PLA2R1: variants seen among roughly 807,000 people sequenced by gnomAD.
PLA2R1 encodes secretory phospholipase A2 receptor.
Under a neutral mutation model 195.9 loss-of-function variants are expected in PLA2R1, and 158 were observed. That is an observed-to-expected ratio of 0.81 (90% CI 0.71 to 0.92). The LOEUF is 0.92. PLA2R1 is among the 40% of genes least tolerant of loss of function. The pLI is 0.00. For missense variants in PLA2R1, 1,626 were observed against 1,764.6 expected, an observed-to-expected ratio of 0.92 and a Z score of 1.41; for synonymous variants, 586 against 598.2, an observed-to-expected ratio of 0.98 and a Z score of 0.30.
chr2:159,999,274 T>G (rs1250457040), intron 11 of PLA2R1, among the ~76,000 whole-genome samples: 1 of 152,082 alleles, frequency 6.6e-6, no homozygotes, highest in Non-Finnish European at 1.5e-5. Context: ...TAAGAATCTA[T>G]ATATGAGTTA....
chr2:159,924,745 C>A, the PLA2R1 span, among the ~76,000 whole-genome samples: 1 of 147,656 alleles, frequency 6.8e-6, no homozygotes, highest in African/African-American at 2.5e-5. Context: ...GGGGGCGGTG[C>A]GAACAAAAAT....
chr2:160,026,821 C>T (rs1035565912), intron 6 of PLA2R1, among the ~76,000 whole-genome samples: 1 of 152,164 alleles, frequency 6.6e-6, no homozygotes, highest in Non-Finnish European at 1.5e-5. Flanking sequence ...TAAAAAAGCA[C>T]TCATGAAATC....
At position 159,941,487 on chromosome 2, in the gene PLA2R1, G is replaced by A. The variant is rs1054858358; in HGVS notation, c.*291C>T. 1 of 222,808 alleles carries A rather than the reference G, an allele frequency of 4.5e-6. No homozygotes were observed. The highest frequency in any genetic ancestry group is 2.3e-5 in the African/African-American group (1 of 43,608). 13.8% of individuals were successfully genotyped at this position (222,808 alleles called of 1,614,324 possible). On this transcript the variant is annotated 3_prime_UTR_variant, in exon 30 of 30. Coordinates refer to ENST00000283243, the MANE Select transcript of PLA2R1 (RefSeq NM_007366.5). ...TAATGCAAAAACTATTATTCGCATT[G>A]ATTTCAGAGTTTTCAATAGGGAGTT...
At chr2:159,969,495 T>C in intron 18 of PLA2R1, 136 bp from the exon 19 acceptor site, 2 of 499,824 alleles carry the variant, frequency 4.0e-6, no homozygotes, top group Non-Finnish European at 7.1e-6. Flanking sequence ...ATATGTAGCA[T>C]AGTACCTATA....
chr2:160,048,901 C>T (rs554696698), intron 1 of PLA2R1, among the ~76,000 whole-genome samples: 91 of 139,542 alleles, frequency 6.5e-4, no homozygotes, highest in Non-Finnish European at 9.5e-4. Flanking sequence ...AGTGCAGTGG[C>T]GGGATCTCGG....
chr2:160,062,376 G>C lies in PLA2R1; in HGVS notation c.28C>G (p.Leu10Val). ...CCCCGCGGCGCCCCCAGCAGCAGCA[G>C]CAGCAGCAGCGACGGCGACAGCAGC... MLLSPSLLL[L>V]LLLGAPRGCA... The change falls in exon 1 of 30, where the codon CTG (leucine) becomes GTG (valine). Residue 10 changes from leucine (L) to valine (V), a missense_variant. By Grantham distance (32) the Leu-to-Val change is conservative (BLOSUM62 1). Transcript: ENST00000283243. 6.5e-7 allele frequency: 1 copy of C among 1,539,812 alleles called. No individual in the cohort carries two copies. The highest frequency in any genetic ancestry group is 8.8e-7 in the Non-Finnish European group (1 of 1,142,562).
At position 160,062,381 on chromosome 2, in the gene PLA2R1, AGCAGCGACG is replaced by A. The variant is rs1167367158; in HGVS notation, c.14_22del (p.Pro5_Leu7del). 2 of 1,540,304 alleles carry A rather than the reference AGCAGCGACG, an allele frequency of 1.3e-6. No individual in the cohort carries two copies. ...CGGCGCCCCCAGCAGCAGCAGCAGC[AGCAGCGACG>A]GCGACAGCAGCATCGCTAACCACTG... On this transcript the variant is annotated inframe_deletion, in exon 1 of 30. Coordinates refer to ENST00000283243, the MANE Select transcript of PLA2R1 (RefSeq NM_007366.5).
chr2:159,972,946 T>C (rs1360429126), intron 17 of PLA2R1, among the ~76,000 whole-genome samples: 1 of 152,234 alleles, frequency 6.6e-6, no homozygotes, highest in Non-Finnish European at 1.5e-5. Context: ...AAACTGTATC[T>C]AGCTTGCTTG....
intron 11 of PLA2R1, among the ~76,000 whole-genome samples, chr2:159,989,272 G>T (rs73967972): frequency 0.087 from 13,226 of 152,242 alleles, 1,620 homozygotes; most frequent in African/African-American, 0.27. Context: ...AATAATTTCA[G>T]AATGCAGCTC....
intron 1 of PLA2R1, among the ~76,000 whole-genome samples, chr2:160,053,737 A>T (rs1695361650): frequency 6.6e-6 from 1 of 152,220 alleles, no homozygotes; most frequent in Non-Finnish European, 1.5e-5. Context: ...GGCAGCATCA[A>T]TTGTAGGGCA....
At chr2:159,967,350 C>T (rs1479890774) in intron 20 of PLA2R1, among the ~76,000 whole-genome samples, 189 bp downstream of exon 20, 2 of 152,106 alleles carry the variant, frequency 1.3e-5, no homozygotes, top group Admixed American at 1.3e-4. Flanking sequence ...CTGTTTTTGA[C>T]AAAAATCTTT....
intron 13 of PLA2R1, 102 bp downstream of exon 13, chr2:159,983,826 T>C (rs1201212087): frequency 3.4e-6 from 2 of 582,978 alleles, no homozygotes; most frequent in Admixed American, 3.0e-5. Context: ...ATAATACAAA[T>C]ATGGGAATTT....
At chr2:159,975,984 C>A (rs192664934) in intron 17 of PLA2R1, 84 bp downstream of exon 17, 9 of 937,362 alleles carry the variant, frequency 9.6e-6, no homozygotes, top group African/African-American at 3.3e-5. Context: ...GAAGTCAAAT[C>A]GAAAAAACTA....
rs1325919468 is a variant in PLA2R1, at chr2:159,933,140, C to T, written c.*8638G>A. The T allele has an allele frequency of 2.0e-5, 3 of 152,006 alleles. No homozygotes were observed. The highest frequency in any genetic ancestry group is 4.4e-5 in the Non-Finnish European group (3 of 68,000). 9.4% of individuals were successfully genotyped at this position (152,006 alleles called of 1,614,324 possible). A position where few individuals can be genotyped will look rare whatever the true frequency, so the allele number is the denominator to read the frequency against. On this transcript the variant is annotated 3_prime_UTR_variant, in exon 30 of 30. Transcript: ENST00000283243. ...AAACAGCACTTGAATGATTTTTTCC[C>T]TTAATTTGTTCTAAATTACAGCAAA...
chr2:159,957,505 C>A (rs1688166313), intron 20 of PLA2R1, among the ~76,000 whole-genome samples: 5 of 152,082 alleles, frequency 3.3e-5, no homozygotes, highest in Admixed American at 3.3e-4. Context: ...CAGGTGCGCA[C>A]CACCATGCCT....
Position 160,042,101 on chromosome 2 carries a change from C to G in PLA2R1, c.591G>C (p.Arg197=), listed in dbSNP as rs1694556047. The change falls in exon 3 of 30, where the codon CGG becomes CGC. Residue 197 remains arginine (R), a synonymous_variant. Coordinates refer to ENST00000283243, the MANE Select transcript of PLA2R1 (RefSeq NM_007366.5). ...TGGCACACCACAGTAAGTCATCTTC[C>G]CGACCTTCACGGGTACATTCATGAT... ...QWHHECTREG[R]EDDLLWCATT... 6.2e-7 allele frequency: 1 copy of G among 1,614,066 alleles called. No individual in the cohort carries two copies. Among genetic ancestry groups the G allele is most frequent in the African/African-American group, 1.3e-5 (1 of 74,944 alleles).
In PLA2R1 at chr2:159,955,761, A is replaced by G. The variant is rs1688045127; in HGVS notation, c.3090T>C (p.Tyr1030=). 1 of 1,588,002 alleles carries G rather than the reference A, an allele frequency of 6.3e-7. No individual in the cohort carries two copies. Among genetic ancestry groups the G allele is most frequent in the Non-Finnish European group, 8.6e-7 (1 of 1,159,362 alleles). Residue 1030 remains tyrosine (Y), a synonymous_variant, in exon 22 of 30, where the codon TAT becomes TAC. Coordinates refer to ENST00000283243, the MANE Select transcript of PLA2R1 (RefSeq NM_007366.5). ...CAGGCTTTCCATTTAGCCATGTTTCATAATCATCATTTTGTAAACCTATCC... is the reference window on the plus strand; with the variant it reads ...CAGGCTTTCCATTTAGCCATGTTTCGTAATCATCATTTTGTAAACCTATCC... ...SVWIGLQNDD[Y]ETWLNGKPVV... is the part of the protein sequence containing the mutation.
rs1305037870 is a variant in PLA2R1 at position 159,939,895 on chromosome 2, T to C, written c.*1883A>G. 6.6e-6 allele frequency: 1 copy of C among 152,168 alleles called. No individual in the cohort carries two copies. Among genetic ancestry groups the C allele is most frequent in the African/African-American group, 2.4e-5 (1 of 41,422 alleles). The allele number at this position is 152,168 out of a possible 1,614,324, so 9.4% of individuals were successfully genotyped here. A position where few individuals can be genotyped will look rare whatever the true frequency, so the allele number is the denominator to read the frequency against. ...GAGTTCAAGCCAATTATTTTTTGAG[T>C]CATAAATATGCAACTGCCACATAAT... On this transcript the variant is annotated 3_prime_UTR_variant, in exon 30 of 30. Coordinates refer to ENST00000283243, the MANE Select transcript of PLA2R1 (RefSeq NM_007366.5).
downstream of PLA2R1, among the ~76,000 whole-genome samples, chr2:159,930,265 A>G (rs1216928052): frequency 6.6e-5 from 10 of 152,088 alleles, no homozygotes; most frequent in South Asian, 2.1e-4. Flanking sequence ...AAAATTAGCC[A>G]GGCATGGTGG....
Sources: gnomAD v4.1 joint callset for allele counts (sites outside exome capture counted in the v4.1 genomes callset) on GRCh38, gnomAD v4.1.1 for gene constraint, MANE v1.5 for transcripts, NCBI Gene and HGNC (gene_info 2026-07-23, HGNC 2026-07-21) for gene names.